MAST4: variants seen among roughly 807,000 people sequenced by gnomAD.
MAST4 encodes microtubule associated serine/threonine kinase family member 4.
MAST4 carries 89 observed loss-of-function variants against 162.7 expected under a neutral mutation model. That is an observed-to-expected ratio of 0.55 (90% confidence interval 0.46 to 0.65). MAST4 has a LOEUF of 0.65. Ranked by LOEUF, MAST4 falls within the 30% of genes least tolerant of loss-of-function variation. MAST4 has a pLI of 0.00. For synonymous variants in MAST4, 1,479 were observed against 1,361.1 expected (o/e 1.09, Z -1.91); for missense variants, 3,153 against 3,374.0 (o/e 0.93, Z 1.62).
At chr5:66,723,982 G>T (rs540793488) in intron 1 of MAST4, among the ~76,000 whole-genome samples, 12 of 152,040 alleles carry the variant, frequency 7.9e-5, no homozygotes, top group Admixed American at 7.9e-4. Context: ...CAAATACATG[G>T]CCAGGATATT....
Position 66,596,734 on chromosome 5 carries a change from G to C in MAST4, c.79G>C (p.Ala27Pro). 7.1e-7 allele frequency: 1 copy of C among 1,415,582 alleles called. No individual in the cohort carries two copies. The highest frequency in any genetic ancestry group is 2.8e-5 in the East Asian group (1 of 36,078). 87.7% of individuals were successfully genotyped at this position (1,415,582 alleles called of 1,614,324 possible). A position where few individuals can be genotyped will look rare whatever the true frequency, so the allele number is the denominator to read the frequency against. ...CCACGGCAGCCGGACTCCAGCCTCT[G>C]CGCTGGTCGCCGCGTCCTCTCCGGG... ...SGHGSRTPAS[A>P]LVAASSPGAS... The change falls in exon 1 of 29, where the codon GCG (alanine) becomes CCG (proline). Residue 27 changes from alanine to proline, a missense_variant. By Grantham distance (27) the Ala-to-Pro change is conservative (BLOSUM62 -1). Transcript: ENST00000403625.
chr5:67,054,076 CTG>C (rs1758507156), intron 4 of MAST4, among the ~76,000 whole-genome samples: 1 of 152,102 alleles, frequency 6.6e-6, no homozygotes, highest in South Asian at 2.1e-4. Flanking sequence ...AAGATGCTAC[CTG>C]TGGTTTGCTG....
At chr5:67,145,088 C>A (rs1299295071) in intron 22 of MAST4, 56 bp from the exon 23 acceptor site, 2 of 1,426,210 alleles carry the variant, frequency 1.4e-6, no homozygotes, top group African/African-American at 1.4e-5. Context: ...CCAAAATTCA[C>A]CTTTAACACA....
At chr5:66,626,397 A>G (rs1164958934) in intron 1 of MAST4, among the ~76,000 whole-genome samples, 1 of 152,216 alleles carries the variant, frequency 6.6e-6, no homozygotes, top group Non-Finnish European at 1.5e-5. Context: ...CTGTTAAGAA[A>G]AATCATGGGT....
At chr5:66,835,274 G>C (rs992417152) in intron 3 of MAST4, among the ~76,000 whole-genome samples, 1 of 152,076 alleles carries the variant, frequency 6.6e-6, no homozygotes, top group Non-Finnish European at 1.5e-5. Flanking sequence ...TCCCTCTCTA[G>C]GTGAACCAGT....
chr5:67,080,616 A>T (rs1762489933), intron 5 of MAST4, among the ~76,000 whole-genome samples: 1 of 152,164 alleles, frequency 6.6e-6, no homozygotes, highest in African/African-American at 2.4e-5. Flanking sequence ...GTATAAAGGC[A>T]AATTATGTTT....
intron 1 of MAST4, among the ~76,000 whole-genome samples, chr5:66,663,185 A>G (rs1293734315): frequency 1.3e-5 from 2 of 152,134 alleles, no homozygotes; most frequent in Non-Finnish European, 2.9e-5. Flanking sequence ...ATTTGTGCTT[A>G]GGCTGTATGC....
chr5:66,605,117 C>G (rs1201935460), intron 1 of MAST4, among the ~76,000 whole-genome samples: 1 of 152,108 alleles, frequency 6.6e-6, no homozygotes, highest in Non-Finnish European at 1.5e-5. Flanking sequence ...CTACATAAGA[C>G]AAACTCACAA....
intron 3 of MAST4, among the ~76,000 whole-genome samples, chr5:66,807,825 G>C (rs1345186618): frequency 6.6e-6 from 1 of 152,168 alleles, no homozygotes. Flanking sequence ...CCCTAAGACT[G>C]TGCCGTCTTC....
chr5:66,633,056 A>T (rs1210383791), intron 1 of MAST4, among the ~76,000 whole-genome samples: 1 of 152,176 alleles, frequency 6.6e-6, no homozygotes, highest in African/African-American at 2.4e-5. Flanking sequence ...TGTAAAAGGG[A>T]TGCTTTAGAA....
intron 1 of MAST4, among the ~76,000 whole-genome samples, chr5:66,706,128 C>A (rs1750109609): frequency 6.6e-6 from 1 of 152,190 alleles, no homozygotes; most frequent in South Asian, 2.1e-4. Flanking sequence ...GTCACAAAAT[C>A]TAGCCCCGCC....
rs1774343691 is a variant in MAST4, at chr5:67,169,052, C to G, written c.*2001C>G. ...TTTACTAATGGATTTCAAAACTGGT[C>G]TCAACGTTTATAATACATATCTGTG... On this transcript the variant is annotated 3_prime_UTR_variant, in exon 29 of 29. Transcript: ENST00000403625. The G allele has an allele frequency of 6.6e-6, 1 of 151,986 alleles. No individual in the cohort carries two copies. The highest frequency in any genetic ancestry group is 2.4e-5 in the African/African-American group (1 of 41,366). The allele number at this position is 151,986 out of a possible 1,614,324, so 9.4% of individuals were successfully genotyped here. A position where few individuals can be genotyped will look rare whatever the true frequency, so the allele number is the denominator to read the frequency against.
intron 3 of MAST4, among the ~76,000 whole-genome samples, chr5:66,890,101 C>T (rs745457331): frequency 7.9e-5 from 12 of 152,032 alleles, no homozygotes; most frequent in Non-Finnish European, 1.5e-4. Context: ...ATTTTAAAAA[C>T]GACGCAGAAA....
intron 1 of MAST4, among the ~76,000 whole-genome samples, chr5:66,624,707 G>A (rs1049263518): frequency 1.3e-5 from 2 of 152,178 alleles, no homozygotes; most frequent in Non-Finnish European, 2.9e-5. Flanking sequence ...ATACTGGCCA[G>A]TGGAAAAGAA....
At chr5:66,793,861 A>G (rs556428171) in intron 3 of MAST4, among the ~76,000 whole-genome samples, 1 of 152,214 alleles carries the variant, frequency 6.6e-6, no homozygotes, top group South Asian at 2.1e-4. Flanking sequence ...ATAGCTTATC[A>G]CTGTCCAGTA....
chr5:66,926,353 G>T (rs1485894079), intron 4 of MAST4, among the ~76,000 whole-genome samples: 2 of 152,128 alleles, frequency 1.3e-5, no homozygotes, highest in Non-Finnish European at 2.9e-5. Context: ...TTCAAGGCCA[G>T]CCTGACAAAT....
chr5:66,876,234 A>G (rs529869157), intron 3 of MAST4, among the ~76,000 whole-genome samples: 6 of 152,370 alleles, frequency 3.9e-5, no homozygotes, highest in African/African-American at 1.2e-4. Flanking sequence ...GGTAAACACT[A>G]TCAATGCAAT....
intron 19 of MAST4, among the ~76,000 whole-genome samples, chr5:67,138,292 C>T (rs770942916): frequency 6.6e-6 from 1 of 152,190 alleles, no homozygotes; most frequent in Non-Finnish European, 1.5e-5. Flanking sequence ...GCCTCATTAA[C>T]AAGTTTTATC....
intron 4 of MAST4, among the ~76,000 whole-genome samples, chr5:67,039,767 C>G (rs911416721): frequency 6.6e-6 from 1 of 152,140 alleles, no homozygotes. Flanking sequence ...TTTCTACACA[C>G]AGATCCCTCT....
Sources: allele counts gnomAD v4.1 joint callset (sites outside exome capture counted in the v4.1 genomes callset), GRCh38; gene constraint gnomAD v4.1.1; transcripts MANE v1.5; gene names NCBI Gene and HGNC (gene_info 2026-07-23, HGNC 2026-07-21).